RAB39A: variants seen among roughly 807,000 people sequenced by gnomAD.
RAB39A encodes the protein RAB39A, member RAS oncogene family.
A neutral mutation model predicts 20.9 loss-of-function variants in RAB39A; 17 were observed. That is an observed-to-expected ratio of 0.81 (90% CI 0.56 to 1.22). The LOEUF (loss-of-function observed/expected upper bound fraction) is 1.22. RAB39A is among the 50% of genes most tolerant of loss of function. RAB39A has a pLI of 0.00. For missense variants in RAB39A, 234 were observed against 270.5 expected, an observed-to-expected ratio of 0.87 and a Z score of 0.95; for synonymous variants, 99 against 103.4, an observed-to-expected ratio of 0.96 and a Z score of 0.26.
At chr11:107,946,454 ATATATATTTTTT>A (rs1565464311) in intron 1 of RAB39A, among the ~76,000 whole-genome samples, 70 of 61,920 alleles carry the variant, frequency 1.1e-3, no homozygotes, top group East Asian at 1.6e-3. Context: ...ATATATATAT[ATATATATTTTTT>A]TTTTTTTTTT....
Position 107,950,155 on chromosome 11 carries a change from G to A in RAB39A, c.228-11791G>A, listed in dbSNP as rs541624039. On this transcript the variant is annotated intron_variant, in intron 1 of 1. Transcript: ENST00000320578. ...AGATCGTGCCACTGCACTCCACCCT[G>A]GGTGGCAGAGTGAGACTCCGTCTCA... Among the ~76,000 whole-genome samples the A allele has an allele frequency of 1.2e-3, 176 of 151,750 alleles. 1 individual carries two copies. Among genetic ancestry groups the A allele is most frequent in the African/African-American group, 4.1e-3 (170 of 41,380 alleles).
At chr11:107,945,651 T>C (rs1443518022) in intron 1 of RAB39A, among the ~76,000 whole-genome samples, 2 of 152,218 alleles carry the variant, frequency 1.3e-5, no homozygotes, top group African/African-American at 4.8e-5. Flanking sequence ...CAGATACTTC[T>C]GGAAGTGGGA....
At position 107,928,795 on chromosome 11, in the gene RAB39A, G is replaced by T; in HGVS notation, c.227G>T (p.Arg76Ile). The T allele has an allele frequency of 6.5e-7, 1 of 1,542,520 alleles. No homozygotes were observed. The highest frequency in any genetic ancestry group is 1.9e-5 in the Admixed American group (1 of 53,716). ...GACACGGCGGGACAGGAGCGGTTCA[G>T]GTAGGGACCCCGGGGACCTTGGGCA... ...LWDTAGQERFRSITRSYYRNS... is the reference protein window; with the variant it reads ...LWDTAGQERFISITRSYYRNS... Residue 76 changes from arginine (R) to isoleucine (I), a missense_variant and splice_region_variant, in exon 1 of 2, where the codon AGA becomes ATA. Arg to Ile is a moderately conservative substitution (Grantham distance 97). Transcript: ENST00000320578. The surrounding 1 kb of genome is among the most constrained non-coding windows in gnomAD (Gnocchi z 4.9).
intron 1 of RAB39A, among the ~76,000 whole-genome samples, chr11:107,940,351 G>A (rs1468870658): frequency 6.6e-6 from 1 of 151,664 alleles, no homozygotes; most frequent in Non-Finnish European, 1.5e-5. Context: ...TGCAACCTCT[G>A]TCTCCCGGTT....
In RAB39A at chr11:107,929,064, C is replaced by A. The variant is rs182936292; in HGVS notation, c.227+269C>A. 1.7e-4 allele frequency among the ~76,000 whole-genome samples: 26 copies of A among 152,344 alleles called. No homozygotes were observed. The East Asian group carries it at 4.8e-3, about 28-fold the overall frequency. On this transcript the variant is annotated intron_variant, in intron 1 of 1. Coordinates refer to ENST00000320578, the MANE Select transcript of RAB39A (RefSeq NM_017516.3). ...CCCGCCTGAACCGGGGTCGTCCTCG[C>A]CGCCCCCTCTTCCCCAACTCTTTCA...
intron 1 of RAB39A, among the ~76,000 whole-genome samples, chr11:107,946,346 A>ATG (rs1169695953): frequency 3.1e-4 from 43 of 138,850 alleles, no homozygotes; most frequent in African/African-American, 1.1e-3. Context: ...ACACACACAT[A>ATG]TATATACACA....
chr11:107,941,104 TCA>T (rs145089291), intron 1 of RAB39A, among the ~76,000 whole-genome samples: 2,773 of 152,324 alleles, frequency 0.018, 86 homozygotes, highest in African/African-American at 0.063. Context: ...GCATTGCGTA[TCA>T]TTTTTCTTTA....
At chr11:107,960,989 G>A (rs1418950753) in intron 1 of RAB39A, among the ~76,000 whole-genome samples, 1 of 152,130 alleles carries the variant, frequency 6.6e-6, no homozygotes, top group Non-Finnish European at 1.5e-5. Context: ...GAGAAGGATG[G>A]AGACTAGATC....
rs776968164 is a variant in RAB39A at position 107,962,539 on chromosome 11, A to G, written c.*167A>G. 4 of 605,648 alleles carry G rather than the reference A, an allele frequency of 6.6e-6. No individual in the cohort carries two copies. Among genetic ancestry groups the G allele is most frequent in the Non-Finnish European group, 1.1e-5 (4 of 379,388 alleles). 37.5% of individuals were successfully genotyped at this position (605,648 alleles called of 1,614,324 possible). A position where few individuals can be genotyped will look rare whatever the true frequency, so the allele number is the denominator to read the frequency against. ...TCAGAGCATGATGCTTACTTGTTACACTACTAGATTGGGTATTTTGCTAAA... is the reference window on the plus strand; with the variant it reads ...TCAGAGCATGATGCTTACTTGTTACGCTACTAGATTGGGTATTTTGCTAAA... On this transcript the variant is annotated 3_prime_UTR_variant, in exon 2 of 2. Transcript: ENST00000320578.
chr11:107,949,924 G>A (rs372971416), intron 1 of RAB39A, among the ~76,000 whole-genome samples: 27 of 152,268 alleles, frequency 1.8e-4, no homozygotes, highest in African/African-American at 6.0e-4. Flanking sequence ...TGTAATCCCA[G>A]CACTTTGGGA....
intron 1 of RAB39A, among the ~76,000 whole-genome samples, chr11:107,938,980 G>A (rs1416214952): frequency 1.3e-5 from 2 of 151,982 alleles, no homozygotes; most frequent in Non-Finnish European, 2.9e-5. Context: ...AACTATTCAC[G>A]CCTGTAATCC....
intron 1 of RAB39A, among the ~76,000 whole-genome samples, chr11:107,961,646 AATCT>A (rs1423119415): frequency 5.3e-5 from 8 of 152,040 alleles, no homozygotes; most frequent in African/African-American, 1.9e-4. Context: ...ATGATGTAAT[AATCT>A]ATCAGATTTT....
chr11:107,945,766 C>A (rs1335353868), intron 1 of RAB39A, among the ~76,000 whole-genome samples: 1 of 152,112 alleles, frequency 6.6e-6, no homozygotes, highest in Non-Finnish European at 1.5e-5. Flanking sequence ...CCCCCGCCAA[C>A]CACATTGGCA....
chr11:107,958,677 T>A (rs931464210), intron 1 of RAB39A, among the ~76,000 whole-genome samples: 5 of 152,256 alleles, frequency 3.3e-5, no homozygotes, highest in Admixed American at 1.3e-4. Flanking sequence ...AGGGTTTTTT[T>A]ATAATGTGTA....
chr11:107,953,906 G>A (rs192889713), intron 1 of RAB39A, among the ~76,000 whole-genome samples: 12 of 152,210 alleles, frequency 7.9e-5, no homozygotes, highest in Middle Eastern at 3.4e-3. Context: ...AGGGCCAGAC[G>A]CCTCTAGATG....
At chr11:107,934,939 A>G (rs1287269659) in intron 1 of RAB39A, among the ~76,000 whole-genome samples, 1 of 151,374 alleles carries the variant, frequency 6.6e-6, no homozygotes. Context: ...CAAAAAAAAA[A>G]AAAAAAAAAA....
At chr11:107,942,192 T>C (rs368312478) in intron 1 of RAB39A, among the ~76,000 whole-genome samples, 59 of 152,032 alleles carry the variant, frequency 3.9e-4, no homozygotes, top group African/African-American at 1.4e-3. Context: ...AAGTATAATT[T>C]TTGTATAGCA....
chr11:107,944,761 G>A (rs538195385), intron 1 of RAB39A, among the ~76,000 whole-genome samples: 2 of 152,302 alleles, frequency 1.3e-5, no homozygotes, highest in East Asian at 3.9e-4. Context: ...ACAGGAGGAG[G>A]AATTGTCATC....
intron 1 of RAB39A, among the ~76,000 whole-genome samples, chr11:107,955,896 T>C (rs1473262612): frequency 6.6e-6 from 1 of 152,184 alleles, no homozygotes; most frequent in Non-Finnish European, 1.5e-5. Context: ...TTATGCATTT[T>C]TTTTTTTAGT....
Sources: gnomAD v4.1 joint callset for allele counts (sites outside exome capture counted in the v4.1 genomes callset) on GRCh38, gnomAD v4.1.1 for gene constraint, Gnocchi (gnomAD v3.1) non-coding constraint, MANE v1.5 for transcripts, NCBI Gene and HGNC (gene_info 2026-07-23, HGNC 2026-07-21) for gene names.